Variants in SLIT2 observed in about 807,000 individuals in gnomAD.
SLIT2 encodes slit homolog 2 protein.
In SLIT2, 41 loss-of-function variants were observed where a neutral mutation model predicts 185.7. The ratio of observed to expected loss-of-function variants is 0.22; its 90% CI spans 0.17 to 0.29. The LOEUF is 0.29. SLIT2 is among the 10% of genes least tolerant of loss of function. SLIT2 has a pLI of 1.00. For missense variants in SLIT2, 1,571 were observed against 1,909.0 expected (o/e 0.82, Z 3.30); for synonymous variants, 693 against 680.2 (o/e 1.02, Z -0.29).
At chr4:20,447,293 A>G (rs1244513043) in intron 4 of SLIT2, among the ~76,000 whole-genome samples, 1 of 152,182 alleles carries the variant, frequency 6.6e-6, no homozygotes, top group Non-Finnish European at 1.5e-5. Context: ...ACCAGGGCAG[A>G]CAGTGAGGAA....
chr4:20,437,598 G>T (rs936783247), intron 4 of SLIT2, among the ~76,000 whole-genome samples: 1 of 152,078 alleles, frequency 6.6e-6, no homozygotes, highest in African/African-American at 2.4e-5. Flanking sequence ...CTGGGTGACA[G>T]AGTGAGACCT....
chr4:20,475,224 T>C (rs1457102829), intron 5 of SLIT2, among the ~76,000 whole-genome samples: 1 of 152,098 alleles, frequency 6.6e-6, no homozygotes, highest in African/African-American at 2.4e-5. Context: ...CTCACAACTC[T>C]TCTTTGATAG....
intron 12 of SLIT2, among the ~76,000 whole-genome samples, chr4:20,520,033 CAAAA>C (rs34644308): frequency 4.4e-5 from 3 of 68,382 alleles, no homozygotes; most frequent in South Asian, 7.9e-4. Flanking sequence ...GACTCCGTCT[CAAAA>C]AAAAAAAAAA....
chr4:20,557,515 C>T (rs1724362274), intron 26 of SLIT2, among the ~76,000 whole-genome samples: 1 of 152,052 alleles, frequency 6.6e-6, no homozygotes, highest in African/African-American at 2.4e-5. Flanking sequence ...ATTCTTGAGA[C>T]TTGTTGCTCA....
In SLIT2 at chr4:20,359,344, G is replaced by A. The variant is rs1260092338; in HGVS notation, c.395+90463G>A. Among the ~76,000 whole-genome samples the A allele has an allele frequency of 2.0e-5, 3 of 152,042 alleles. No homozygotes were observed. The East Asian group carries it at 5.8e-4, about 29-fold the overall frequency. ...AATGGTGTGTTTTGGTGTGTAGGGA[G>A]GGATTTCTGGTTAGGTCCATGAGCC... On this transcript the variant is annotated intron_variant, in intron 4 of 36. Transcript: ENST00000504154.
intron 3 of SLIT2, among the ~76,000 whole-genome samples, chr4:20,265,358 AAT>A (rs770464629): frequency 7.9e-5 from 12 of 151,870 alleles, no homozygotes; most frequent in Non-Finnish European, 1.3e-4. Context: ...TTTTTCTGTT[AAT>A]GTTTGTATAA....
At chr4:20,348,329 C>G (rs1362661888) in intron 4 of SLIT2, among the ~76,000 whole-genome samples, 51 of 152,092 alleles carry the variant, frequency 3.4e-4, no homozygotes, top group Admixed American at 3.3e-3. Flanking sequence ...ACCTCCACTT[C>G]CCAGGTTGAA....
chr4:20,320,059 G>A (rs1002026907), intron 4 of SLIT2, among the ~76,000 whole-genome samples: 1 of 152,142 alleles, frequency 6.6e-6, no homozygotes, highest in African/African-American at 2.4e-5. Context: ...TCACTGTACA[G>A]TGTAGTCAGT....
At chr4:20,552,455 G>A (rs941804642) in intron 25 of SLIT2, 2 of 151,106 alleles carry the variant, frequency 1.3e-5, no homozygotes, top group African/African-American at 4.9e-5. Flanking sequence ...ACAACGTGCA[G>A]GTTTGTTTGT....
At chr4:20,519,584 T>G (rs1392852398) in intron 12 of SLIT2, 131 bp downstream of exon 12, 2 of 614,684 alleles carry the variant, frequency 3.3e-6, no homozygotes, top group Non-Finnish European at 5.7e-6. Context: ...TAGAAAAGAG[T>G]AGTCCAGTCA....
chr4:20,397,751 T>C (rs911603362), intron 4 of SLIT2, among the ~76,000 whole-genome samples: 3 of 151,776 alleles, frequency 2.0e-5, no homozygotes, highest in African/African-American at 7.3e-5. Context: ...TACAGAAAAA[T>C]AGAACAGTAA....
At chr4:20,598,760 C>T (rs1406825097) in intron 33 of SLIT2, among the ~76,000 whole-genome samples, 2 of 152,116 alleles carry the variant, frequency 1.3e-5, no homozygotes, top group African/African-American at 4.8e-5. Flanking sequence ...TGCCAGAAGC[C>T]TCGACCTTTA....
At chr4:20,427,189 G>A (rs151239099) in intron 4 of SLIT2, among the ~76,000 whole-genome samples, 11 of 152,222 alleles carry the variant, frequency 7.2e-5, no homozygotes, top group East Asian at 1.9e-4. Context: ...GTTGTGATCC[G>A]GCCTGAACCA....
chr4:20,617,219 A>G, intron 35 of SLIT2, 21 bp downstream of exon 35: 2 of 1,351,192 alleles, frequency 1.5e-6, no homozygotes, highest in Non-Finnish European at 2.0e-6. Context: ...GCTGCTTGGG[A>G]GTTGAGCACA....
intron 4 of SLIT2, among the ~76,000 whole-genome samples, chr4:20,375,115 T>C (rs1723917620): frequency 6.6e-6 from 1 of 152,132 alleles, no homozygotes; most frequent in Non-Finnish European, 1.5e-5. Context: ...TCACAATTAG[T>C]ATGGTTTTTA....
In SLIT2 at chr4:20,367,953, CCTTTTG is replaced by C. The variant is rs34665642; in HGVS notation, c.395+99073_395+99078del. 4.6e-3 allele frequency among the ~76,000 whole-genome samples: 693 copies of C among 152,180 alleles called. 10 individuals carry two copies. The highest frequency in any genetic ancestry group is 0.016 in the African/African-American group (673 of 41,542). On this transcript the variant is annotated intron_variant, in intron 4 of 36. Transcript: ENST00000504154. ...TGGAAGAGAGAGGTCCCTTTCCTTT[CCTTTTG>C]AAGATTGATTAGTTTCCAAAGAAAG...
rs79580682 is a variant in SLIT2, at chr4:20,495,538, G to C, written c.914+3639G>C. On this transcript the variant is annotated intron_variant, in intron 9 of 36. Coordinates refer to ENST00000504154, the MANE Select transcript of SLIT2 (RefSeq NM_004787.4). ...GTAGTCTATTTTATTTCTTATGATCGTGATTTTCTTCTACTTTGTATGTGC... is the reference window on the plus strand; with the variant it reads ...GTAGTCTATTTTATTTCTTATGATCCTGATTTTCTTCTACTTTGTATGTGC... Among the ~76,000 whole-genome samples, 358 of 152,250 alleles carry C rather than the reference G, an allele frequency of 2.4e-3. 3 individuals are homozygous for C. In the East Asian group the frequency reaches 0.041, roughly 18 times the overall value.
intron 4 of SLIT2, among the ~76,000 whole-genome samples, chr4:20,451,264 A>T (rs780607873): frequency 5.3e-5 from 8 of 152,074 alleles, no homozygotes; most frequent in African/African-American, 7.2e-5. Context: ...GACATTTTCC[A>T]TGGGGGATAA....
chr4:20,437,709 G>A (rs1729444841), intron 4 of SLIT2, among the ~76,000 whole-genome samples: 1 of 151,840 alleles, frequency 6.6e-6, no homozygotes, highest in Admixed American at 6.6e-5. Context: ...TCAGGAGATC[G>A]AGACTATCCT....
Sources: allele counts gnomAD v4.1 joint callset (sites outside exome capture counted in the v4.1 genomes callset), GRCh38; gene constraint gnomAD v4.1.1; transcripts MANE v1.5; gene names NCBI Gene and HGNC (gene_info 2026-07-23, HGNC 2026-07-21).